The following BRK1 variants were observed in gnomAD, a reference collection of about 807,000 sequenced individuals.
BRK1 encodes the protein BRICK1 subunit of SCAR/WAVE actin nucleating complex, also known as protein BRICK1.
Under a neutral mutation model 9.9 loss-of-function variants are expected in BRK1, and 6 were observed. The observed-to-expected ratio is 0.60, with a 90% CI of 0.33 to 1.19. The LOEUF is 1.19. BRK1 is among the 50% of genes most tolerant of loss of function. The pLI is 0.04. For missense variants in BRK1, 62 were observed against 97.5 expected (o/e 0.64, Z 1.53); for synonymous variants, 44 against 31.9 (o/e 1.38, Z -1.28).
chr3:10,125,507 C>T (rs1695826960), intron 1 of BRK1, 119 bp from the exon 2 acceptor site: 3 of 642,692 alleles, frequency 4.7e-6, no homozygotes, highest in South Asian at 1.9e-5. Flanking sequence ...GATCTTAGCA[C>T]TGTATCCATT....
rs1052631823 is a variant in BRK1 at position 10,117,386 on chromosome 3, A to G, written c.118+1567A>G. 2.0e-5 allele frequency among the ~76,000 whole-genome samples: 3 copies of G among 150,210 alleles called. No homozygotes were observed. In the East Asian group the frequency reaches 5.8e-4, roughly 29 times the overall value. On this transcript the variant is annotated intron_variant, in intron 1 of 2. Coordinates refer to ENST00000530758, the MANE Select transcript of BRK1 (RefSeq NM_018462.5). Reference sequence around the variant, plus strand: ...GTAAAGACTTTATTTGGGCTTTTCAACAAATTCTTTTTTTTTTTTTTTTTT... The same window carrying G: ...GTAAAGACTTTATTTGGGCTTTTCAGCAAATTCTTTTTTTTTTTTTTTTTT...
At chr3:10,116,727 T>A (rs566200576) in intron 1 of BRK1, among the ~76,000 whole-genome samples, 1 of 152,286 alleles carries the variant, frequency 6.6e-6, no homozygotes, top group South Asian at 2.1e-4. Context: ...ACTGATGGCC[T>A]TAGGAGTACA....
At chr3:10,122,731 A>G (rs1276386502) in intron 1 of BRK1, among the ~76,000 whole-genome samples, 2 of 152,196 alleles carry the variant, frequency 1.3e-5, no homozygotes, top group Non-Finnish European at 2.9e-5. Flanking sequence ...TTTTAAAAAA[A>G]AAAATTCATC....
In BRK1 at chr3:10,125,195, C is replaced by G. The variant is rs532630128; in HGVS notation, c.119-431C>G. 1.8e-3 allele frequency among the ~76,000 whole-genome samples: 277 copies of G among 152,192 alleles called. 1 individual carries two copies. Among genetic ancestry groups the G allele is most frequent in the Non-Finnish European group, 2.9e-3 (197 of 68,006 alleles). ...TTGGCTCACTGCAACCTTTGCCCCC[C>G]CCGGTTCAAGTGATTTTCCTGCCTC... On this transcript the variant is annotated intron_variant, in intron 1 of 2. Transcript: ENST00000530758.
At chr3:10,125,087 C>T (rs767123749) in intron 1 of BRK1, among the ~76,000 whole-genome samples, 2 of 152,026 alleles carry the variant, frequency 1.3e-5, no homozygotes, top group Non-Finnish European at 2.9e-5. Context: ...TCCATATTCA[C>T]AGGATCCAGG....
chr3:10,118,341 A>G (rs1372475937), intron 1 of BRK1, among the ~76,000 whole-genome samples: 1 of 152,024 alleles, frequency 6.6e-6, no homozygotes, highest in African/African-American at 2.4e-5. Context: ...AAATTAAATT[A>G]TAAGGATAGA....
At chr3:10,116,563 A>C (rs943127776) in intron 1 of BRK1, among the ~76,000 whole-genome samples, 1 of 152,104 alleles carries the variant, frequency 6.6e-6, no homozygotes, top group Non-Finnish European at 1.5e-5. Context: ...ATTCTTCCTT[A>C]TGAACAGCAA....
At chr3:10,123,929 T>A (rs1466400805) in intron 1 of BRK1, among the ~76,000 whole-genome samples, 1 of 148,886 alleles carries the variant, frequency 6.7e-6, no homozygotes, top group African/African-American at 2.5e-5. Flanking sequence ...GAGATGGGGT[T>A]TCACCATGTT....
intron 1 of BRK1, among the ~76,000 whole-genome samples, chr3:10,122,293 A>C (rs1695768908): frequency 6.6e-6 from 1 of 152,110 alleles, no homozygotes; most frequent in African/African-American, 2.4e-5. Flanking sequence ...AATCATGGGC[A>C]TTTGGTTTTG....
At position 10,122,169 on chromosome 3, in the gene BRK1, C is replaced by T. The variant is rs561583106; in HGVS notation, c.119-3457C>T. Among the ~76,000 whole-genome samples, 114 of 151,924 alleles carry T rather than the reference C, an allele frequency of 7.5e-4. 1 individual carries two copies. The South Asian group carries it at 0.019, about 25-fold the overall frequency. ...GAACTCCGACCTCAGGTGATCCGCC[C>T]GCCTCGGCCTCCCAAAGTGCTGGAA... On this transcript the variant is annotated intron_variant, in intron 1 of 2. Transcript: ENST00000530758.
At chr3:10,119,352 G>A (rs992819609) in intron 1 of BRK1, among the ~76,000 whole-genome samples, 2 of 152,020 alleles carry the variant, frequency 1.3e-5, no homozygotes, top group African/African-American at 4.8e-5. Context: ...AAGCTACCTG[G>A]GAGGCTGAGG....
Position 10,126,090 on chromosome 3 carries a change from C to CA in BRK1, c.202-172dup, listed in dbSNP as rs1385859127. 1.3e-4 allele frequency among the ~76,000 whole-genome samples: 20 copies of CA among 152,138 alleles called. No individual in the cohort carries two copies. The East Asian group carries it at 1.5e-3, about 12-fold the overall frequency. On this transcript the variant is annotated intron_variant, in intron 2 of 2. Coordinates refer to ENST00000530758, the MANE Select transcript of BRK1 (RefSeq NM_018462.5). ...TGGGTGGCAGAGTGAGACTCCATCT[C>CA]AAAAAAACAAAAGAAGAGAAAAGTT...
intron 1 of BRK1, 33 bp from the exon 2 acceptor site, chr3:10,125,593 C>A: frequency 7.2e-7 from 1 of 1,389,448 alleles, no homozygotes; most frequent in Non-Finnish European, 1.0e-6. Context: ...TTTGGAGTGA[C>A]ATTAATCCTG....
intron 1 of BRK1, among the ~76,000 whole-genome samples, chr3:10,116,761 C>T (rs1252423418): frequency 6.6e-6 from 1 of 152,170 alleles, no homozygotes; most frequent in East Asian, 1.9e-4. Context: ...AAGAGATTGT[C>T]AGAAAGCATC....
At chr3:10,116,331 G>T (rs1695684431) in intron 1 of BRK1, among the ~76,000 whole-genome samples, 2 of 152,216 alleles carry the variant, frequency 1.3e-5, no homozygotes, top group South Asian at 4.1e-4. Flanking sequence ...CCTGTTTCCT[G>T]TGTCTGCTGC....
rs112279447 is a variant in BRK1, at chr3:10,121,736, C to CTT, written c.119-3878_119-3877dup. ...CCTATTTCATTAAATATTCCTCAAA[C>CTT]TTTTTTTTTTTTTAAGACAGAGTTT... On this transcript the variant is annotated intron_variant, in intron 1 of 2. Transcript: ENST00000530758. Among the ~76,000 whole-genome samples, 18,667 of 146,996 alleles carry CTT rather than the reference C, an allele frequency of 0.13. 1,563 individuals carry two copies. Among genetic ancestry groups the CTT allele is most frequent in the African/African-American group, 0.24 (9,666 of 40,454 alleles).
chr3:10,122,016 A>C (rs1695763987), intron 1 of BRK1, among the ~76,000 whole-genome samples: 1 of 151,296 alleles, frequency 6.6e-6, no homozygotes, highest in Admixed American at 6.6e-5. Flanking sequence ...CAGCCTCCAG[A>C]GTAGCTGGGA....
Position 10,118,252 on chromosome 3 carries a change from C to CAAAAAA in BRK1, c.118+2446_118+2451dup, listed in dbSNP as rs59622736. Among the ~76,000 whole-genome samples the CAAAAAA allele has an allele frequency of 0.092, 6,102 of 66,588 alleles. 150 individuals are homozygous for CAAAAAA. Among genetic ancestry groups the CAAAAAA allele is most frequent in the Non-Finnish European group, 0.13 (4,253 of 31,942 alleles). The allele number at this position is 66,588 out of a possible 152,430, so 43.7% of individuals were successfully genotyped here. A position where few individuals can be genotyped will look rare whatever the true frequency, so the allele number is the denominator to read the frequency against. On this transcript the variant is annotated intron_variant, in intron 1 of 2. Transcript: ENST00000530758. ...TGGGCAAAAGACGAGACTCTGTCTCCAAAAAAAAAAAAAAAAAAGATTGAC... is the reference window on the plus strand; with the variant it reads ...TGGGCAAAAGACGAGACTCTGTCTCCAAAAAAAAAAAAAAAAAAAAAAAAGATTGAC...
intron 1 of BRK1, among the ~76,000 whole-genome samples, chr3:10,123,058 C>A (rs188254472): frequency 5.3e-4 from 81 of 152,290 alleles, no homozygotes; most frequent in Admixed American, 1.5e-3. Flanking sequence ...GATGACTGAA[C>A]AACAATGTTG....
Sources: allele counts gnomAD v4.1 joint callset (sites outside exome capture counted in the v4.1 genomes callset), GRCh38; gene constraint gnomAD v4.1.1; transcripts MANE v1.5; gene names NCBI Gene and HGNC (gene_info 2026-07-23, HGNC 2026-07-21).